MDFIC: variants seen among roughly 807,000 people sequenced by gnomAD.
The protein encoded by MDFIC is MyoD family inhibitor domain containing.
Under a neutral mutation model 23.2 loss-of-function variants are expected in MDFIC, and 17 were observed. That is an observed-to-expected ratio of 0.73 (90% confidence interval 0.50 to 1.10). MDFIC has a LOEUF of 1.10. Among genes scored for constraint, MDFIC ranks in the 50% least tolerant of loss-of-function variants. The probability of loss-of-function intolerance (pLI) is 0.00; values close to 1 mark genes in which losing one functional copy is unlikely to be tolerated. For synonymous variants in MDFIC, 120 were observed against 115.2 expected (o/e 1.04, Z -0.27); for missense variants, 356 against 316.6 (o/e 1.12, Z -0.95).
At chr7:114,997,592 A>G (rs1412247080) in intron 4 of MDFIC, among the ~76,000 whole-genome samples, 1 of 131,288 alleles carries the variant, frequency 7.6e-6, no homozygotes, top group Admixed American at 7.4e-5. Context: ...AAAAAAAAAA[A>G]ATTAACCAGG....
chr7:114,929,498 T>C (rs1346963006), intron 2 of MDFIC, among the ~76,000 whole-genome samples: 2 of 152,210 alleles, frequency 1.3e-5, no homozygotes, highest in Non-Finnish European at 2.9e-5. Context: ...GACAACATCT[T>C]TAATGATAGT....
chr7:114,938,729 T>C (rs1310954338), intron 2 of MDFIC, among the ~76,000 whole-genome samples: 1 of 152,192 alleles, frequency 6.6e-6, no homozygotes, highest in Non-Finnish European at 1.5e-5. Flanking sequence ...AGAAATCTTA[T>C]AGAAAGGTAC....
rs770222279 is a variant in MDFIC, at chr7:114,979,507, C to G, written c.219C>G (p.Thr73=). The change falls in exon 4 of 5, where the codon ACC becomes ACG. Residue 73 remains threonine (T), a splice_region_variant and synonymous_variant. Coordinates refer to ENST00000393486, the MANE Select transcript of MDFIC (RefSeq NM_001166345.3). ...GNPSDGELIR[T]QPQRLPQLQT... ...GACTTTTTCCTGTTTTTAATTTAGC[C>G]CAACCTCAGCGCTTGCCTCAGCTTC... 7.5e-6 allele frequency: 12 copies of G among 1,593,504 alleles called. No homozygotes were observed. The East Asian group carries it at 2.5e-4, about 33-fold the overall frequency.
intron 3 of MDFIC, among the ~76,000 whole-genome samples, chr7:114,963,185 C>T (rs548912761): frequency 5.3e-5 from 8 of 151,884 alleles, no homozygotes; most frequent in East Asian, 1.9e-4. Flanking sequence ...ATGGTAATGG[C>T]GTATATGGTA....
At chr7:114,994,030 C>T (rs1465305879) in intron 4 of MDFIC, among the ~76,000 whole-genome samples, 1 of 152,094 alleles carries the variant, frequency 6.6e-6, no homozygotes, top group Admixed American at 6.6e-5. Context: ...AATCTGGGTG[C>T]TCCTGTATTG....
Position 114,979,655 on chromosome 7 carries a change from C to A in MDFIC, c.367C>A (p.Leu123Ile). 1 of 1,614,026 alleles carries A rather than the reference C, an allele frequency of 6.2e-7. No homozygotes were observed. The highest frequency in any genetic ancestry group is 8.5e-7 in the Non-Finnish European group (1 of 1,179,978). The stretch of plus-strand genomic sequence containing the variant: ...ACACGGATCCGCAGATAATCGCAAA[C>A]TTTCAGCACCTGTTTCTCAAAAAAT... Reference protein sequence around the residue: ...AKHGSADNRKLSAPVSQKMHR... With the variant: ...AKHGSADNRKISAPVSQKMHR... Residue 123 changes from leucine to isoleucine, a missense_variant, in exon 4 of 5, where the codon CTT becomes ATT. Transcript: ENST00000393486.
chr7:115,004,755 C>T (rs866379036), intron 4 of MDFIC, among the ~76,000 whole-genome samples: 1 of 152,120 alleles, frequency 6.6e-6, no homozygotes, highest in Non-Finnish European at 1.5e-5. Flanking sequence ...CCTATGCACT[C>T]ACTGCTCTCA....
intron 4 of MDFIC, among the ~76,000 whole-genome samples, chr7:115,009,112 A>G (rs1322654023): frequency 6.6e-6 from 1 of 152,264 alleles, no homozygotes; most frequent in Non-Finnish European, 1.5e-5. Flanking sequence ...TTAAATGCTA[A>G]TAAACCTTTG....
chr7:114,998,769 G>A (rs1185115406), intron 4 of MDFIC, among the ~76,000 whole-genome samples: 1 of 152,064 alleles, frequency 6.6e-6, no homozygotes, highest in African/African-American at 2.4e-5. Flanking sequence ...TTGTTTGCCT[G>A]GCTGAATTGA....
At chr7:114,979,859 T>C in intron 4 of MDFIC, 78 bp downstream of exon 4, 1 of 1,499,112 alleles carries the variant, frequency 6.7e-7, no homozygotes, top group Non-Finnish European at 9.2e-7. Flanking sequence ...ATCAAGCATA[T>C]ATAATTGAAG....
At position 115,010,105 on chromosome 7, in the gene MDFIC, C is replaced by T. The variant is rs185144812; in HGVS notation, c.494-5583C>T. Among the ~76,000 whole-genome samples, 21 of 152,270 alleles carry T rather than the reference C, an allele frequency of 1.4e-4. 1 individual carries two copies. Among genetic ancestry groups the T allele is most frequent in the Admixed American group, 4.6e-4 (7 of 15,306 alleles). On this transcript the variant is annotated intron_variant, in intron 4 of 4. Transcript: ENST00000393486. ...AAAGATGATTCCTGACTGCAAGCCA[C>T]ATGGATGCAGAGGACCCATTTTTTT...
intron 4 of MDFIC, among the ~76,000 whole-genome samples, chr7:114,996,948 G>T (rs140361257): frequency 2.0e-5 from 3 of 152,260 alleles, no homozygotes; most frequent in African/African-American, 7.2e-5. Flanking sequence ...TAATGGAGAA[G>T]GGATAAAGAG....
At position 114,922,195 on chromosome 7, in the gene MDFIC, G is replaced by T. The variant is rs529891404; in HGVS notation, c.-549G>T. 2.2e-4 allele frequency: 92 copies of T among 409,584 alleles called. No individual in the cohort carries two copies. The highest frequency in any genetic ancestry group is 1.7e-3 in the African/African-American group (83 of 48,720). The allele number at this position is 409,584 out of a possible 1,614,324, so 25.4% of individuals were successfully genotyped here. A position where few individuals can be genotyped will look rare whatever the true frequency, so the allele number is the denominator to read the frequency against. ...CCTCCTGACCCAGACAGCGCAGGGC[G>T]CGAGGGATCGCGCGGCCGAGCCCGG... On this transcript the variant is annotated 5_prime_UTR_variant, in exon 1 of 5. Coordinates refer to ENST00000393486, the MANE Select transcript of MDFIC (RefSeq NM_001166345.3).
intron 4 of MDFIC, among the ~76,000 whole-genome samples, chr7:115,015,349 G>C (rs906672151): frequency 2.0e-5 from 3 of 152,166 alleles, no homozygotes; most frequent in East Asian, 3.8e-4. Flanking sequence ...GTGTTATAAA[G>C]AGCAATAGGA....
chr7:114,995,912 C>A (rs1417026333), intron 4 of MDFIC, among the ~76,000 whole-genome samples: 1 of 152,170 alleles, frequency 6.6e-6, no homozygotes, highest in Non-Finnish European at 1.5e-5. Context: ...GTCACTCATG[C>A]TGGGAGCTGA....
chr7:115,016,063 T>A lies in MDFIC; in HGVS notation c.*128T>A. On this transcript the variant is annotated 3_prime_UTR_variant, in exon 5 of 5. Coordinates refer to ENST00000393486, the MANE Select transcript of MDFIC (RefSeq NM_001166345.3). ...TGCACTGTTAACTCATTATTGTAAG[T>A]AATCTCTGAAAGCCTTTTTACTTTA... is the stretch of plus-strand genomic sequence containing the variant. 5.2e-6 allele frequency: 5 copies of A among 960,490 alleles called. No individual in the cohort carries two copies. The highest frequency in any genetic ancestry group is 7.7e-6 in the Non-Finnish European group (5 of 653,038). The allele number at this position is 960,490 out of a possible 1,614,324, so 59.5% of individuals were successfully genotyped here.
rs141401543 is a variant in MDFIC at position 115,016,323 on chromosome 7, C to G, written c.*388C>G. 1.3e-3 allele frequency: 257 copies of G among 203,236 alleles called. 1 individual carries two copies. Among genetic ancestry groups the G allele is most frequent in the African/African-American group, 5.7e-3 (239 of 42,102 alleles). The allele number at this position is 203,236 out of a possible 1,614,324, so 12.6% of individuals were successfully genotyped here. ...CGAGGCAGTTTATTTTGATATGTATCTATTCATGATTGAAAGGAAGCAGTC... is the reference window on the plus strand; with the variant it reads ...CGAGGCAGTTTATTTTGATATGTATGTATTCATGATTGAAAGGAAGCAGTC... On this transcript the variant is annotated 3_prime_UTR_variant, in exon 5 of 5. Transcript: ENST00000393486.
intron 2 of MDFIC, among the ~76,000 whole-genome samples, chr7:114,938,435 TG>T (rs1466392492): frequency 2.6e-5 from 4 of 152,174 alleles, no homozygotes; most frequent in Non-Finnish European, 5.9e-5. Context: ...TATAAATAGT[TG>T]TGTAGTACAA....
At chr7:114,960,949 G>A (rs1296704493) in intron 3 of MDFIC, among the ~76,000 whole-genome samples, 1 of 152,138 alleles carries the variant, frequency 6.6e-6, no homozygotes, top group African/African-American at 2.4e-5. Context: ...GAACCTAAAT[G>A]TCAGTATGAC....
Sources: gnomAD v4.1 joint callset for allele counts (sites outside exome capture counted in the v4.1 genomes callset) on GRCh38, gnomAD v4.1.1 for gene constraint, MANE v1.5 for transcripts, NCBI Gene and HGNC (gene_info 2026-07-23, HGNC 2026-07-21) for gene names.